The following CUX1 variants were observed in gnomAD, a reference collection of about 807,000 sequenced individuals.
CUX1 encodes cut like homeobox 1, also known as protein CASP.
A neutral mutation model predicts 158.8 loss-of-function variants in CUX1; 31 were observed. The observed-to-expected ratio is 0.20, with a 90% CI of 0.15 to 0.26. CUX1 has a LOEUF of 0.26. Ranked by LOEUF, CUX1 falls within the 10% of genes least tolerant of loss-of-function variation. CUX1 has a pLI of 1.00. For synonymous variants in CUX1, 879 were observed against 862.1 expected (o/e 1.02, Z -0.34); for missense variants, 1,589 against 2,014.6 (o/e 0.79, Z 4.04).
At position 102,200,068 on chromosome 7, in the gene CUX1, C is replaced by T; in HGVS notation, c.1961-3C>T. 2 of 1,607,446 alleles carry T rather than the reference C, an allele frequency of 1.2e-6. No homozygotes were observed. Among genetic ancestry groups the T allele is most frequent in the Non-Finnish European group, 1.7e-6 (2 of 1,177,422 alleles). On this transcript the variant is annotated splice_polypyrimidine_tract_variant and splice_region_variant and intron_variant, in intron 16 of 23. Coordinates refer to ENST00000292535, the MANE Select transcript of CUX1 (RefSeq NM_181552.4). ...ATGTCATTGGCGCAACTTCTCCCCA[C>T]AGGTAACATCACCACCCGGATCCGA...
intron 1 of CUX1, among the ~76,000 whole-genome samples, chr7:101,831,932 TG>T (rs1554384039): frequency 6.6e-6 from 1 of 151,540 alleles, no homozygotes; most frequent in Non-Finnish European, 1.5e-5. Flanking sequence ...TTTGTAGAGA[TG>T]GGGGGGTCTC....
At chr7:102,158,744 CCTT>C in intron 9 of CUX1, 136 bp downstream of exon 9, 3 of 765,168 alleles carry the variant, frequency 3.9e-6, no homozygotes, top group Non-Finnish European at 6.6e-6. Context: ...CGTCGATGCT[CCTT>C]CTGTTGTCAT....
intron 2 of CUX1, among the ~76,000 whole-genome samples, chr7:101,953,999 AACACAGCAAG>A (rs1444197469): frequency 6.6e-6 from 1 of 152,190 alleles, no homozygotes; most frequent in Non-Finnish European, 1.5e-5. Flanking sequence ...TGGTCTGGGT[AACACAGCAAG>A]ACCCCCATCT....
At chr7:101,823,051 AT>A (rs570175997) in intron 1 of CUX1, among the ~76,000 whole-genome samples, 3 of 152,274 alleles carry the variant, frequency 2.0e-5, no homozygotes, top group South Asian at 4.1e-4. Context: ...CAAAATAAAG[AT>A]TGTCAATTTC....
exon 18 of CUX1, chr7:102,278,056 C>T (rs782499697): frequency 1.9e-6 from 3 of 1,609,840 alleles, no homozygotes; most frequent in East Asian, 4.5e-5. Flanking sequence ...TGCAGAGCTA[C>T]CCTGGCCGGG....
At chr7:102,048,196 A>G (rs1387353947) in intron 3 of CUX1, among the ~76,000 whole-genome samples, 3 of 152,164 alleles carry the variant, frequency 2.0e-5, no homozygotes, top group Admixed American at 1.3e-4. Flanking sequence ...TCCCAGCTCC[A>G]GGCTCCAGCC....
At chr7:101,834,165 CTTTTTTTT>C (rs575992276) in intron 1 of CUX1, among the ~76,000 whole-genome samples, 22 of 71,074 alleles carry the variant, frequency 3.1e-4, no homozygotes, top group Middle Eastern at 0.012. Flanking sequence ...CTGATTGTTT[CTTTTTTTT>C]TTTTTTTTTT....
In CUX1 at chr7:102,202,084, G is replaced by A. The variant is rs782101584; in HGVS notation, c.2787G>A (p.Pro929=). The A allele has an allele frequency of 2.2e-5, 36 of 1,613,934 alleles. No individual in the cohort carries two copies. In the African/African-American group the frequency reaches 2.5e-4, roughly 11 times the overall value. ...AGCCCACCAAGCCCTCGGTCCCCCCGCTGACCCCCGAGCAGTACGAGGTCT... is the reference window on the plus strand; with the variant it reads ...AGCCCACCAAGCCCTCGGTCCCCCCACTGACCCCCGAGCAGTACGAGGTCT... ...MSKPTKPSVP[P]LTPEQYEVYM... Residue 929 remains proline (P), a synonymous_variant, in exon 18 of 24, where the codon CCG becomes CCA. Transcript: ENST00000292535.
chr7:102,281,831 T>C, intron 20 of CUX1: 1 of 1,607,242 alleles, frequency 6.2e-7, no homozygotes, highest in Non-Finnish European at 8.5e-7. Flanking sequence ...ACCCCCTCCT[T>C]GCTCCCAGGG....
At chr7:102,195,714 C>T (rs1794734466) in intron 14 of CUX1, 111 bp downstream of exon 14, 2 of 971,218 alleles carry the variant, frequency 2.1e-6, no homozygotes, top group East Asian at 2.8e-5. Flanking sequence ...CAGAGAAGCG[C>T]CGGTTGACGA....
At chr7:101,958,447 A>G (rs1278254953) in intron 2 of CUX1, among the ~76,000 whole-genome samples, 1 of 150,004 alleles carries the variant, frequency 6.7e-6, no homozygotes, top group Non-Finnish European at 1.5e-5. Flanking sequence ...GTAACCCAAA[A>G]GGACTCTAGG....
At position 102,189,828 on chromosome 7, in the gene CUX1, C is replaced by T; in HGVS notation, c.1033C>T (p.Leu345Phe). 1 of 1,614,254 alleles carries T rather than the reference C, an allele frequency of 6.2e-7. No individual in the cohort carries two copies. The highest frequency in any genetic ancestry group is 8.5e-7 in the Non-Finnish European group (1 of 1,180,028). Reference sequence around the variant, plus strand: ...CTGTTTTCAGCAACTGGAAGAAAAACTCAAAGGCCAGGCTGACTATGAAGA... The same window carrying T: ...CTGTTTTCAGCAACTGGAAGAAAAATTCAAAGGCCAGGCTGACTATGAAGA... The part of the protein sequence containing the change: ...NSTLKQLEEK[L>F]KGQADYEEVK... Residue 345 changes from leucine (L) to phenylalanine (F), a missense_variant, in exon 12 of 24, where the codon CTC becomes TTC. By Grantham distance (22) the Leu-to-Phe change is conservative (BLOSUM62 0). Transcript: ENST00000292535.
chr7:101,834,096 G>A (rs1300076040), intron 1 of CUX1, among the ~76,000 whole-genome samples: 1 of 151,752 alleles, frequency 6.6e-6, no homozygotes, highest in Non-Finnish European at 1.5e-5. Flanking sequence ...GGTGCCCAGG[G>A]ATGGCCTTTA....
At position 102,188,225 on chromosome 7, in the gene CUX1, G is replaced by C. The variant is rs781947034; in HGVS notation, c.1018-1588G>C. Among the ~76,000 whole-genome samples, 21 of 151,738 alleles carry C rather than the reference G, an allele frequency of 1.4e-4. 1 individual carries two copies. Among genetic ancestry groups the C allele is most frequent in the Middle Eastern group, 3.4e-3 (1 of 294 alleles). ...TTTTTAAAAAAAAAAAGAAGAAGAA[G>C]AACAAGAAGCATAATACCTAGAAAC... On this transcript the variant is annotated intron_variant, in intron 11 of 23. Transcript: ENST00000292535.
intron 1 of CUX1, among the ~76,000 whole-genome samples, chr7:101,855,652 G>C (rs2131307608): frequency 6.6e-6 from 1 of 152,248 alleles, no homozygotes; most frequent in South Asian, 2.1e-4. Flanking sequence ...GGTCAAGGCG[G>C]GTGGATCACG....
At chr7:102,150,011 G>A (rs1835460337) in intron 8 of CUX1, among the ~76,000 whole-genome samples, 1 of 152,186 alleles carries the variant, frequency 6.6e-6, no homozygotes, top group South Asian at 2.1e-4. Context: ...GGGGTAGAAG[G>A]GGAGAGTTCG....
intron 2 of CUX1, among the ~76,000 whole-genome samples, chr7:101,941,551 T>C (rs1807716270): frequency 6.6e-6 from 1 of 152,220 alleles, no homozygotes. Context: ...TGTAATTAAT[T>C]TCCTCAAGCT....
chr7:102,159,918 C>T (rs539782987), intron 9 of CUX1, among the ~76,000 whole-genome samples: 79 of 152,166 alleles, frequency 5.2e-4, no homozygotes, highest in Middle Eastern at 6.8e-3. Context: ...TAGTGGCTCA[C>T]GCCTGTAATC....
intron 1 of CUX1, among the ~76,000 whole-genome samples, chr7:101,857,779 C>T (rs973525522): frequency 4.6e-5 from 7 of 152,126 alleles, no homozygotes; most frequent in Non-Finnish European, 7.4e-5. Flanking sequence ...TTTTTCCCCC[C>T]TTAGCTCTTC....
Sources: gnomAD v4.1 joint callset for allele counts (sites outside exome capture counted in the v4.1 genomes callset) on GRCh38, gnomAD v4.1.1 for gene constraint, MANE v1.5 for transcripts, NCBI Gene and HGNC (gene_info 2026-07-23, HGNC 2026-07-21) for gene names.